The following MEIS1 variants were observed in gnomAD, a reference collection of about 807,000 sequenced individuals.
MEIS1 encodes Meis homeobox 1, also known as homeobox protein Meis1.
MEIS1 carries 5 observed loss-of-function variants against 50.8 expected under a neutral mutation model. The observed-to-expected ratio is 0.10, with a 90% CI of 0.05 to 0.21. The LOEUF (loss-of-function observed/expected upper bound fraction) is 0.21. Among genes scored for constraint, MEIS1 ranks in the 10% least tolerant of loss-of-function variants. The pLI, the probability that MEIS1 is intolerant of heterozygous loss-of-function variation, is 1.00. For synonymous variants in MEIS1, 176 were observed against 179.3 expected (o/e 0.98, Z 0.15); for missense variants, 318 against 517.3 (o/e 0.61, Z 3.74).
intron 7 of MEIS1, among the ~76,000 whole-genome samples, chr2:66,473,613 C>G (rs1037755471): frequency 6.6e-6 from 1 of 151,810 alleles, no homozygotes; most frequent in African/African-American, 2.4e-5. Flanking sequence ...TGGTTTGTTA[C>G]TTACTTACAT....
intron 6 of MEIS1, among the ~76,000 whole-genome samples, chr2:66,453,037 T>G (rs1314429229): frequency 6.6e-6 from 1 of 151,932 alleles, no homozygotes; most frequent in African/African-American, 2.4e-5. Flanking sequence ...ATTTGGAATT[T>G]GCAGCAACTC....
At chr2:66,563,301 A>G (rs989037105) in intron 9 of MEIS1, among the ~76,000 whole-genome samples, 2 of 152,150 alleles carry the variant, frequency 1.3e-5, no homozygotes, top group South Asian at 4.1e-4. Flanking sequence ...TATTTTTTAT[A>G]GTATATTCAA....
chr2:66,446,486 C>T (rs916070248), intron 6 of MEIS1, among the ~76,000 whole-genome samples: 3 of 152,144 alleles, frequency 2.0e-5, no homozygotes, highest in Non-Finnish European at 1.5e-5. Flanking sequence ...TTAGCTAGGT[C>T]TGTGCTCGGG....
chr2:66,472,771 C>T (rs1377918910), intron 7 of MEIS1, among the ~76,000 whole-genome samples: 1 of 152,116 alleles, frequency 6.6e-6, no homozygotes, highest in Non-Finnish European at 1.5e-5. Context: ...GGCTCCAGAG[C>T]CCACTCTTGG....
chr2:66,495,480 T>C (rs537779738), intron 7 of MEIS1, among the ~76,000 whole-genome samples: 57 of 152,318 alleles, frequency 3.7e-4, no homozygotes, highest in African/African-American at 9.1e-4. Context: ...GCCTGACTTA[T>C]GGAGAGTTAC....
At chr2:66,541,348 A>G (rs1471891421) in intron 8 of MEIS1, among the ~76,000 whole-genome samples, 2 of 152,128 alleles carry the variant, frequency 1.3e-5, no homozygotes, top group East Asian at 3.8e-4. Context: ...GCATTTTAGT[A>G]TTGGTCTCTT....
intron 5 of MEIS1, 52 bp downstream of exon 5, chr2:66,441,516 C>T (rs1671981690): frequency 1.4e-6 from 2 of 1,401,172 alleles, no homozygotes; most frequent in Non-Finnish European, 1.9e-6. Flanking sequence ...CCCAAACACA[C>T]AGGGGGGAGG....
At position 66,571,859 on chromosome 2, in the gene MEIS1, C is replaced by T; in HGVS notation, c.*651C>T. ...TTGTTTCCATAGCTCTTCACTTCCT[C>T]CAGAAGCCTCCTTACATTAAAAAGC... On this transcript the variant is annotated 3_prime_UTR_variant, in exon 13 of 13. Coordinates refer to ENST00000272369, the MANE Select transcript of MEIS1 (RefSeq NM_002398.3). 2 of 264,034 alleles carry T rather than the reference C, an allele frequency of 7.6e-6. No individual in the cohort carries two copies. Among genetic ancestry groups the T allele is most frequent in the Non-Finnish European group, 1.4e-5 (2 of 141,896 alleles). The allele number at this position is 264,034 out of a possible 1,614,324, so 16.4% of individuals were successfully genotyped here. A position where few individuals can be genotyped will look rare whatever the true frequency, so the allele number is the denominator to read the frequency against.
intron 7 of MEIS1, among the ~76,000 whole-genome samples, chr2:66,470,810 T>C (rs972724999): frequency 1.3e-5 from 2 of 152,250 alleles, no homozygotes; most frequent in African/African-American, 4.8e-5. Flanking sequence ...TACTTTATTA[T>C]GTAGCCCTCT....
At chr2:66,505,094 T>C (rs1673656003) in intron 7 of MEIS1, among the ~76,000 whole-genome samples, 1 of 152,136 alleles carries the variant, frequency 6.6e-6, no homozygotes, top group African/African-American at 2.4e-5. Flanking sequence ...TGAAGTATAG[T>C]GTGTTTCTCT....
At chr2:66,501,208 T>C (rs1673546460) in intron 7 of MEIS1, among the ~76,000 whole-genome samples, 1 of 152,220 alleles carries the variant, frequency 6.6e-6, no homozygotes, top group South Asian at 2.1e-4. Context: ...AAGCTGTTGA[T>C]TCAAAATAAA....
chr2:66,444,399 A>G (rs1212492767), intron 6 of MEIS1, among the ~76,000 whole-genome samples: 1 of 152,140 alleles, frequency 6.6e-6, no homozygotes, highest in African/African-American at 2.4e-5. Context: ...TTCTCTCAAC[A>G]TCATCCTCTT....
chr2:66,472,055 C>A (rs1672774639), intron 7 of MEIS1, among the ~76,000 whole-genome samples: 1 of 152,112 alleles, frequency 6.6e-6, no homozygotes, highest in Non-Finnish European at 1.5e-5. Context: ...CCTTTCTCAC[C>A]TTCCCTTCTT....
intron 12 of MEIS1, 172 bp from the exon 13 acceptor site, chr2:66,571,074 C>T: frequency 1.5e-6 from 1 of 665,392 alleles, no homozygotes; most frequent in Non-Finnish European, 2.4e-6. Flanking sequence ...GAGTTTCCAG[C>T]ATGATGTTTC....
intron 8 of MEIS1, 127 bp downstream of exon 8, chr2:66,512,421 T>C: frequency 8.8e-7 from 1 of 1,133,932 alleles, no homozygotes; most frequent in Non-Finnish European, 1.2e-6. Context: ...GTTCCCACAG[T>C]TTTTGCAAAA....
intron 2 of MEIS1, chr2:66,439,271 G>T (rs1671886736): frequency 1.9e-6 from 2 of 1,066,248 alleles, no homozygotes; most frequent in African/African-American, 3.3e-5. Flanking sequence ...CTGAGGAGGA[G>T]CCTCCCGGCT....
chr2:66,549,743 G>C (rs1336631744), intron 9 of MEIS1, among the ~76,000 whole-genome samples: 1 of 152,184 alleles, frequency 6.6e-6, no homozygotes, highest in East Asian at 1.9e-4. Context: ...AACGAAAAGC[G>C]CTGTCATTCA....
In MEIS1 at chr2:66,442,982, C is replaced by T. The variant is rs775405225; in HGVS notation, c.564C>T (p.Asp188=). ...KGKMPIDLVI[D]DREGGSKSDS... is the part of the protein sequence containing the mutation. ...AAATGCCTATCGATTTGGTGATAGA[C>T]GATAGAGAAGGAGGATCAAAATCAG... Residue 188 remains aspartate, a synonymous_variant, in exon 6 of 13, where the codon GAC becomes GAT. Transcript: ENST00000272369. 75 of 1,603,280 alleles carry T rather than the reference C, an allele frequency of 4.7e-5. No homozygotes were observed. The highest frequency in any genetic ancestry group is 3.3e-4 in the Middle Eastern group (2 of 6,070).
intron 7 of MEIS1, among the ~76,000 whole-genome samples, chr2:66,483,533 A>G (rs1673069296): frequency 6.6e-6 from 1 of 151,696 alleles, no homozygotes; most frequent in African/African-American, 2.4e-5. Flanking sequence ...CAAGATTTTC[A>G]CTCTTATAGG....
Sources: gnomAD v4.1 joint callset for allele counts (sites outside exome capture counted in the v4.1 genomes callset) on GRCh38, gnomAD v4.1.1 for gene constraint, MANE v1.5 for transcripts, NCBI Gene and HGNC (gene_info 2026-07-23, HGNC 2026-07-21) for gene names.